Variants in CELSR1 observed in about 807,000 individuals in gnomAD.
CELSR1 encodes the protein adhesion G protein-coupled receptor C1.
CELSR1 carries 110 observed loss-of-function variants against 249.1 expected under a neutral mutation model. The observed-to-expected ratio is 0.44, with a 90% CI of 0.38 to 0.52. The LOEUF (loss-of-function observed/expected upper bound fraction) is 0.52. CELSR1 is among the 20% of genes least tolerant of loss of function. The probability of loss-of-function intolerance (pLI) is 0.00; values close to 1 mark genes in which losing one functional copy is unlikely to be tolerated. For missense variants in CELSR1, 4,109 were observed against 4,296.4 expected (o/e 0.96, Z 1.22); for synonymous variants, 2,113 against 1,900.0 (o/e 1.11, Z -2.92).
In CELSR1 at chr22:46,398,499, C is replaced by T. The variant is rs1358734774; in HGVS notation, c.5526+25G>A. 1.9e-6 allele frequency: 3 copies of T among 1,555,234 alleles called. No homozygotes were observed. The highest frequency in any genetic ancestry group is 2.6e-6 in the Non-Finnish European group (3 of 1,140,920). ...GCTGCCTGTGAGGGGCAGGCCTCCCCCCGCCCCCCACAACCCCCACGCACC... is the reference window on the plus strand; with the variant it reads ...GCTGCCTGTGAGGGGCAGGCCTCCCTCCGCCCCCCACAACCCCCACGCACC... On this transcript the variant is annotated intron_variant, in intron 11 of 34. Transcript: ENST00000674500. The surrounding 1 kb of genome is among the most constrained non-coding windows in gnomAD (Gnocchi z 7.2).
At chr22:46,502,969 C>T (rs2080480986) in intron 1 of CELSR1, among the ~76,000 whole-genome samples, 1 of 152,212 alleles carries the variant, frequency 6.6e-6, no homozygotes, top group African/African-American at 2.4e-5. Flanking sequence ...CAGGCCACGG[C>T]ACTCGGAGAG....
chr22:46,444,230 T>C (rs901762014), intron 2 of CELSR1, among the ~76,000 whole-genome samples: 2 of 152,210 alleles, frequency 1.3e-5, no homozygotes, highest in Non-Finnish European at 2.9e-5. Flanking sequence ...CAGCCTGGGA[T>C]TTCCTCTAAA....
At chr22:46,378,245 G>A (rs1004652279) in intron 23 of CELSR1, among the ~76,000 whole-genome samples, 28 of 152,230 alleles carry the variant, frequency 1.8e-4, no homozygotes, top group African/African-American at 5.3e-4. Context: ...CAACAGACCC[G>A]CACTGAAGTG....
chr22:46,391,736 G>T lies in CELSR1; in HGVS notation c.6045C>A (p.Cys2015Ter). 1 of 1,612,338 alleles carries T rather than the reference G, an allele frequency of 6.2e-7. No homozygotes were observed. The highest frequency in any genetic ancestry group is 1.7e-5 in the Admixed American group (1 of 59,936). The change falls in exon 15 of 35, where the codon TGC (cysteine) becomes TGA (stop). Residue 2015 changes from cysteine (C) to a stop codon, truncating the protein, a stop_gained. Transcript: ENST00000674500. LOFTEE classifies it high-confidence loss of function. This position sits in a 1 kb window ranked among gnomAD's most constrained non-coding sequence, Gnocchi z 4.3. ...AGGCACACTGCCCGGTGGCCATGTC[G>T]CAAGTGCGGCTGTGGGAGCCATGGG... ...CFPHGSHSRTCDMATGQCACK... is the reference protein window; with the variant it reads ...CFPHGSHSRT
At chr22:46,420,306 G>A (rs1334199075) in intron 5 of CELSR1, among the ~76,000 whole-genome samples, 1 of 146,990 alleles carries the variant, frequency 6.8e-6, no homozygotes, top group African/African-American at 2.6e-5. Flanking sequence ...CCACTCATGT[G>A]CACTCACGTA....
chr22:46,439,285 C>T lies in CELSR1; in HGVS notation c.4310G>A (p.Arg1437Lys). 1 of 1,614,106 alleles carries T rather than the reference C, an allele frequency of 6.2e-7. No homozygotes were observed. The highest frequency in any genetic ancestry group is 8.5e-7 in the Non-Finnish European group (1 of 1,180,004). ...HCVCPPGEYE[R>K]PYCEVTTRSF... ...CCTGGTGGTCACCTCACAGTAGGGC[C>T]TCTCATACTCGCCAGGAGGACACAC... The change falls in exon 3 of 35, where the codon AGG becomes AAG. Residue 1437 changes from arginine to lysine, a missense_variant. Around this residue, in one of 7 missense-constraint regions of CELSR1, gnomAD observed 453 missense variants for 492.0 expected, o/e 0.92. Coordinates refer to ENST00000674500, the MANE Select transcript of CELSR1 (RefSeq NM_001378328.1).
At chr22:46,521,394 A>G (rs6008890) in intron 1 of CELSR1, among the ~76,000 whole-genome samples, 78,849 of 151,532 alleles carry the variant, frequency 0.52, 21,261 homozygotes, top group African/African-American at 0.65. Flanking sequence ...AGTCCCAGCT[A>G]CTCGGGAGGC....
At chr22:46,425,249 T>C (rs2079523940) in intron 5 of CELSR1, among the ~76,000 whole-genome samples, 2 of 152,174 alleles carry the variant, frequency 1.3e-5, no homozygotes, top group African/African-American at 4.8e-5. Context: ...TGAGGAACAG[T>C]GGTCTGTGGT....
chr22:46,413,457 G>A lies in CELSR1; in HGVS notation c.4612-1698C>T, dbSNP rs1258348937. On this transcript the variant is annotated intron_variant, in intron 5 of 34. Transcript: ENST00000674500. The surrounding 1 kb of genome is among the most constrained non-coding windows in gnomAD (Gnocchi z 4.7). Reference sequence around the variant, plus strand: ...ATCATCTAACGTGAGTGAGACCCATGACTGTACCTCAATTTCTTTTTGTGC... The same window carrying A: ...ATCATCTAACGTGAGTGAGACCCATAACTGTACCTCAATTTCTTTTTGTGC... Among the ~76,000 whole-genome samples the A allele has an allele frequency of 6.6e-6, 1 of 152,190 alleles. No homozygotes were observed. The highest frequency in any genetic ancestry group is 1.5e-5 in the Non-Finnish European group (1 of 68,042).
intron 1 of CELSR1, among the ~76,000 whole-genome samples, chr22:46,514,916 G>A (rs746289059): frequency 3.3e-5 from 5 of 152,090 alleles, no homozygotes; most frequent in Non-Finnish European, 7.4e-5. Flanking sequence ...CACCTCAGAC[G>A]TGCTCTTTGC....
At chr22:46,528,856 G>A (rs1378025686) in intron 1 of CELSR1, among the ~76,000 whole-genome samples, 1 of 151,816 alleles carries the variant, frequency 6.6e-6, no homozygotes, top group African/African-American at 2.4e-5. Context: ...GTGAACCCGG[G>A]AGGCGGAGCT....
rs532683669 is a variant in CELSR1, at chr22:46,425,285, A to T, written c.4611+8108T>A. Among the ~76,000 whole-genome samples the T allele has an allele frequency of 8.7e-4, 133 of 152,342 alleles. 1 individual carries two copies. The South Asian group carries it at 0.026, about 30-fold the overall frequency. ...TTTGTTTAGTCTGTCTTCATCTGGTATTGGAATGAGGGTAATGCTTCATGA... is the reference window on the plus strand; with the variant it reads ...TTTGTTTAGTCTGTCTTCATCTGGTTTTGGAATGAGGGTAATGCTTCATGA... On this transcript the variant is annotated intron_variant, in intron 5 of 34. Coordinates refer to ENST00000674500, the MANE Select transcript of CELSR1 (RefSeq NM_001378328.1).
At position 46,454,351 on chromosome 22, in the gene CELSR1, G is replaced by A. The variant is rs1311167394; in HGVS notation, c.4183+9356C>T. 6.6e-6 allele frequency among the ~76,000 whole-genome samples: 1 copy of A among 152,194 alleles called. No homozygotes were observed. The highest frequency in any genetic ancestry group is 1.9e-4 in the East Asian group (1 of 5,194). On this transcript the variant is annotated intron_variant, in intron 2 of 34. Coordinates refer to ENST00000674500, the MANE Select transcript of CELSR1 (RefSeq NM_001378328.1). This position sits in a 1 kb window ranked among gnomAD's most constrained non-coding sequence, Gnocchi z 5.1. The stretch of plus-strand genomic sequence containing the variant: ...GTTACAGCGGCCACAGGAGACTCGT[G>A]CAGGGGTGAGCGAGCGTGCCCAGCC...
At position 46,418,710 on chromosome 22, in the gene CELSR1, G is replaced by T. The variant is rs567466387; in HGVS notation, c.4612-6951C>A. ...TTATTCAACTATCCAAGAAAGTAAT[G>T]CACGGTGCTATTAGGCTTATTGTGG... On this transcript the variant is annotated intron_variant, in intron 5 of 34. Coordinates refer to ENST00000674500, the MANE Select transcript of CELSR1 (RefSeq NM_001378328.1). Among the ~76,000 whole-genome samples, 171 of 152,320 alleles carry T rather than the reference G, an allele frequency of 1.1e-3. 5 individuals carry two copies. The South Asian group carries it at 0.033, about 29-fold the overall frequency.
At chr22:46,496,170 C>A (rs1183749138) in intron 1 of CELSR1, among the ~76,000 whole-genome samples, 1 of 149,650 alleles carries the variant, frequency 6.7e-6, no homozygotes, top group African/African-American at 2.5e-5. Flanking sequence ...CTCTGCACTC[C>A]AGCCTGGGCA....
chr22:46,532,898 A>G (rs537782203), intron 1 of CELSR1, among the ~76,000 whole-genome samples: 1 of 152,260 alleles, frequency 6.6e-6, no homozygotes, highest in South Asian at 2.1e-4. Context: ...CTGACTGCTG[A>G]GCCAAGGTTT....
chr22:46,511,044 G>T (rs926892063), intron 1 of CELSR1, among the ~76,000 whole-genome samples: 3 of 152,114 alleles, frequency 2.0e-5, no homozygotes, highest in Non-Finnish European at 4.4e-5. Context: ...AACCCAGGAG[G>T]CGGAGGTTGC....
intron 1 of CELSR1, among the ~76,000 whole-genome samples, chr22:46,497,984 C>T (rs1460036641): frequency 2.0e-5 from 3 of 152,120 alleles, no homozygotes; most frequent in African/African-American, 7.2e-5. Context: ...CACGGTGGCT[C>T]ACGCTTGTAA....
intron 18 of CELSR1, among the ~76,000 whole-genome samples, chr22:46,389,012 A>T (rs1347814994): frequency 6.6e-6 from 1 of 152,214 alleles, no homozygotes; most frequent in Admixed American, 6.5e-5. Flanking sequence ...GGCCACTTAG[A>T]ATCCCTTAGA....
Sources: allele counts gnomAD v4.1 joint callset (sites outside exome capture counted in the v4.1 genomes callset), GRCh38; gene constraint gnomAD v4.1.1; regional missense constraint gnomAD v4.1.1; non-coding constraint Gnocchi (gnomAD v3.1); transcripts MANE v1.5; gene names NCBI Gene and HGNC (gene_info 2026-07-23, HGNC 2026-07-21).